The following KLF12 variants were observed in gnomAD, a reference collection of about 807,000 sequenced individuals.
The protein encoded by KLF12 is Krueppel-like factor 12.
Under a neutral mutation model 37.8 loss-of-function variants are expected in KLF12, and 9 were observed. The ratio of observed to expected loss-of-function variants is 0.24; its 90% CI spans 0.14 to 0.42. The LOEUF (loss-of-function observed/expected upper bound fraction) is 0.42, where lower values mean the gene tolerates loss of function less well. Among genes scored for constraint, KLF12 ranks in the 10% least tolerant of loss-of-function variants. The pLI is 1.00. For missense variants in KLF12, 411 were observed against 516.0 expected (o/e 0.80, Z 1.97); for synonymous variants, 208 against 202.1 (o/e 1.03, Z -0.25).
the KLF12 span, among the ~76,000 whole-genome samples, chr13:74,254,653 A>G: frequency 6.6e-6 from 1 of 152,144 alleles, no homozygotes; most frequent in East Asian, 1.9e-4. Context: ...TAAGGTGGTA[A>G]AGTTTATAGG....
intron 1 of KLF12, among the ~76,000 whole-genome samples, chr13:74,130,234 C>T (rs1214460942): frequency 1.3e-5 from 2 of 151,794 alleles, no homozygotes; most frequent in Non-Finnish European, 2.9e-5. Flanking sequence ...AATTGCAGGC[C>T]GAAAAACAAG....
intron 2 of KLF12, among the ~76,000 whole-genome samples, chr13:73,982,424 C>T (rs1168543810): frequency 1.3e-5 from 2 of 151,824 alleles, no homozygotes; most frequent in Non-Finnish European, 2.9e-5. Context: ...AGGATATCTT[C>T]CATTATTGAA....
the KLF12 span, among the ~76,000 whole-genome samples, chr13:74,241,949 T>A: frequency 2.0e-5 from 3 of 152,222 alleles, no homozygotes; most frequent in South Asian, 2.1e-4. Flanking sequence ...TGTTCCTATT[T>A]GGCCATCTTG....
intron 3 of KLF12, among the ~76,000 whole-genome samples, chr13:73,908,628 C>A (rs1246569598): frequency 1.3e-5 from 2 of 151,548 alleles, no homozygotes; most frequent in Admixed American, 1.3e-4. Context: ...TTACAGGCAC[C>A]CACCATCATG....
At chr13:73,759,918 A>G (rs1879438233) in intron 6 of KLF12, among the ~76,000 whole-genome samples, 1 of 152,184 alleles carries the variant, frequency 6.6e-6, no homozygotes, top group African/African-American at 2.4e-5. Flanking sequence ...TTAAGCAAGA[A>G]AGAATGTTCT....
chr13:74,178,553 C>T, the KLF12 span, among the ~76,000 whole-genome samples: 1 of 152,148 alleles, frequency 6.6e-6, no homozygotes, highest in African/African-American at 2.4e-5. Context: ...AGAGGAGTTC[C>T]ATGTGCTTCT....
chr13:73,756,902 T>A (rs186933116), intron 6 of KLF12, among the ~76,000 whole-genome samples: 1 of 152,286 alleles, frequency 6.6e-6, no homozygotes, highest in East Asian at 1.9e-4. Context: ...TCCTGGCTCC[T>A]GTGTTTCCTG....
chr13:73,792,163 C>T (rs1217378371), intron 5 of KLF12, among the ~76,000 whole-genome samples: 1 of 152,136 alleles, frequency 6.6e-6, no homozygotes, highest in East Asian at 1.9e-4. Context: ...CTCATCCAAC[C>T]CAACATACCA....
intron 1 of KLF12, among the ~76,000 whole-genome samples, chr13:74,026,343 G>C (rs1019128718): frequency 1.3e-5 from 2 of 152,030 alleles, no homozygotes; most frequent in African/African-American, 4.8e-5. Flanking sequence ...TTCTCTAATA[G>C]AACTGTATGT....
intron 1 of KLF12, among the ~76,000 whole-genome samples, chr13:74,061,251 GAT>G (rs1405662020): frequency 6.6e-6 from 1 of 152,186 alleles, no homozygotes; most frequent in East Asian, 1.9e-4. Context: ...CTGAGGCCCT[GAT>G]ATGTTAGGTA....
chr13:74,108,340 C>T lies in KLF12; in HGVS notation c.-32+25399G>A, dbSNP rs147700816. Reference sequence around the variant, plus strand: ...CATTCTCACTCCAATTTCTGTATAACTCTTTCAAAAACTCTAAATATGTTC... The same window carrying T: ...CATTCTCACTCCAATTTCTGTATAATTCTTTCAAAAACTCTAAATATGTTC... On this transcript the variant is annotated intron_variant, in intron 1 of 7. Transcript: ENST00000377669. Among the ~76,000 whole-genome samples, 366 of 152,174 alleles carry T rather than the reference C, an allele frequency of 2.4e-3. 1 individual carries two copies. Among genetic ancestry groups the T allele is most frequent in the Non-Finnish European group, 4.1e-3 (280 of 68,022 alleles).
chr13:73,744,717 A>G (rs1411091909), intron 6 of KLF12, among the ~76,000 whole-genome samples: 1 of 152,192 alleles, frequency 6.6e-6, no homozygotes, highest in East Asian at 1.9e-4. Context: ...GCCTAGGATG[A>G]GCATGACAAA....
At chr13:74,108,203 T>C (rs1876760314) in intron 1 of KLF12, among the ~76,000 whole-genome samples, 1 of 152,028 alleles carries the variant, frequency 6.6e-6, no homozygotes, top group African/African-American at 2.4e-5. Context: ...TTCTCTGCAA[T>C]AGCAATAATA....
chr13:73,711,101 T>C (rs1875364285), intron 7 of KLF12, among the ~76,000 whole-genome samples: 1 of 152,196 alleles, frequency 6.6e-6, no homozygotes, highest in South Asian at 2.1e-4. Context: ...CACTCTTCAG[T>C]TCTTCACGGC....
the KLF12 span, among the ~76,000 whole-genome samples, chr13:74,271,608 TG>T: frequency 6.6e-5 from 10 of 152,340 alleles, no homozygotes; most frequent in South Asian, 1.9e-3. Context: ...AAAATATATT[TG>T]TTTATTAAAC....
the KLF12 span, among the ~76,000 whole-genome samples, chr13:74,295,585 C>T: frequency 2.0e-5 from 3 of 152,274 alleles, no homozygotes; most frequent in Admixed American, 6.5e-5. Flanking sequence ...GTTGCCCCAA[C>T]GTGATTGTGA....
At chr13:74,249,042 G>C in the KLF12 span, among the ~76,000 whole-genome samples, 1 of 152,076 alleles carries the variant, frequency 6.6e-6, no homozygotes. Context: ...AAGTAGGTTG[G>C]TTGAAATTGA....
chr13:74,115,186 T>C (rs1877218442), intron 1 of KLF12, among the ~76,000 whole-genome samples: 1 of 152,236 alleles, frequency 6.6e-6, no homozygotes, highest in Admixed American at 6.5e-5. Flanking sequence ...CTTGTAATAC[T>C]GTATTATATT....
At chr13:74,007,526 C>G (rs981653849) in intron 1 of KLF12, among the ~76,000 whole-genome samples, 2 of 152,100 alleles carry the variant, frequency 1.3e-5, no homozygotes, top group South Asian at 4.1e-4. Context: ...CCGCCCGCCT[C>G]GGCCTCCCAG....
Sources: allele counts gnomAD v4.1 joint callset (sites outside exome capture counted in the v4.1 genomes callset), GRCh38; gene constraint gnomAD v4.1.1; transcripts MANE v1.5; gene names NCBI Gene and HGNC (gene_info 2026-07-23, HGNC 2026-07-21).